The following DLGAP2 variants were observed in gnomAD, a reference collection of about 807,000 sequenced individuals.
The protein encoded by DLGAP2 is disks large-associated protein 2.
In DLGAP2, 26 loss-of-function variants were observed where a neutral mutation model predicts 100.3. The ratio of observed to expected loss-of-function variants is 0.26; its 90% CI spans 0.19 to 0.36. The LOEUF is 0.36. Ranked by LOEUF, DLGAP2 falls within the 10% of genes least tolerant of loss-of-function variation. The pLI is 1.00. For missense variants in DLGAP2, 1,858 were observed against 1,453.2 expected (o/e 1.28, Z -4.53); for synonymous variants, 886 against 630.1 (o/e 1.41, Z -6.08).
At chr8:1,663,727 CTGCAGGGAG>C (rs1378702324) in intron 8 of DLGAP2, among the ~76,000 whole-genome samples, 1 of 152,078 alleles carries the variant, frequency 6.6e-6, no homozygotes, top group Non-Finnish European at 1.5e-5. Flanking sequence ...TGAAACTCAA[CTGCAGGGAG>C]TGGTAAAAAT....
At chr8:1,669,986 G>A (rs894404360) in intron 10 of DLGAP2, among the ~76,000 whole-genome samples, 5 of 152,134 alleles carry the variant, frequency 3.3e-5, no homozygotes, top group African/African-American at 1.2e-4. Context: ...CCTGGGCCTC[G>A]CTGGGCTCCG....
intron 2 of DLGAP2, among the ~76,000 whole-genome samples, chr8:1,183,555 C>T (rs7841110): frequency 0.078 from 11,897 of 152,204 alleles, 1,372 homozygotes; most frequent in African/African-American, 0.25. Context: ...GAGGTAGCTG[C>T]TGTTAGTATC....
chr8:1,423,303 G>T (rs1021400094), intron 3 of DLGAP2, among the ~76,000 whole-genome samples: 2 of 151,960 alleles, frequency 1.3e-5, no homozygotes, highest in Admixed American at 1.3e-4. Context: ...CAGTCCATGG[G>T]ACAGACAGGT....
At chr8:1,662,540 A>C (rs1430166066) in intron 8 of DLGAP2, among the ~76,000 whole-genome samples, 2 of 152,254 alleles carry the variant, frequency 1.3e-5, no homozygotes, top group South Asian at 2.1e-4. Context: ...AAATGGTCAC[A>C]AAAAAGAAAA....
At chr8:779,073 G>A (rs112481029) in intron 1 of DLGAP2, among the ~76,000 whole-genome samples, 1,840 of 152,342 alleles carry the variant, frequency 0.012, 51 homozygotes, top group African/African-American at 0.042. Flanking sequence ...TCAGAAAAGC[G>A]CAGTATGCGG....
chr8:1,303,425 AAAGG>A (rs1800412226), intron 3 of DLGAP2, among the ~76,000 whole-genome samples: 1 of 122,376 alleles, frequency 8.2e-6, no homozygotes, highest in South Asian at 2.5e-4. Flanking sequence ...AAAAAAAAAA[AAAGG>A]AAGGAGAAGA....
At position 1,419,419 on chromosome 8, in the gene DLGAP2, G is replaced by A. The variant is rs1367569299; in HGVS notation, c.107-81947G>A. 5.6e-5 allele frequency among the ~76,000 whole-genome samples: 4 copies of A among 71,534 alleles called. 1 individual carries two copies. The highest frequency in any genetic ancestry group is 2.5e-4 in the African/African-American group (4 of 16,098). 46.9% of individuals were successfully genotyped at this position (71,534 alleles called of 152,430 possible). On this transcript the variant is annotated intron_variant, in intron 3 of 14. Transcript: ENST00000637795. ...TCACAGTAATTGTACATATTTGTGG[G>A]ATACTGTGTTACACTCTGATACGTG... is the stretch of plus-strand genomic sequence containing the variant.
intron 2 of DLGAP2, among the ~76,000 whole-genome samples, chr8:1,187,509 G>A (rs1281608336): frequency 7.1e-6 from 1 of 139,960 alleles, no homozygotes; most frequent in African/African-American, 2.9e-5. Flanking sequence ...GGACCTCCGT[G>A]ACGTTTGCTT....
Position 820,039 on chromosome 8 carries a change from AAC to A in DLGAP2, c.18+82219_18+82220del, listed in dbSNP as rs1240650535. 2.0e-5 allele frequency among the ~76,000 whole-genome samples: 3 copies of A among 152,338 alleles called. No homozygotes were observed. In the East Asian group the frequency reaches 5.8e-4, roughly 29 times the overall value. On this transcript the variant is annotated intron_variant, in intron 1 of 14. Coordinates refer to ENST00000637795, the MANE Select transcript of DLGAP2 (RefSeq NM_001346810.2). ...ATGAGAGTTCTTGTCTACTAAGAGA[AAC>A]ACACTAGTGCTGTAGGAGATAAATC...
intron 2 of DLGAP2, among the ~76,000 whole-genome samples, chr8:999,593 C>T (rs937221832): frequency 6.6e-6 from 1 of 151,996 alleles, no homozygotes; most frequent in Admixed American, 6.6e-5. Context: ...ATTCTCCTGC[C>T]TCAGCCTCCT....
Position 1,148,496 on chromosome 8 carries a change from C to T in DLGAP2, c.74-110355C>T, listed in dbSNP as rs1796644366. ...TTGTTTCTTCATTTGGATTTAATTT[C>T]CTATCCTTATTCTAATTTCTTGTGA... On this transcript the variant is annotated intron_variant, in intron 2 of 14. Coordinates refer to ENST00000637795, the MANE Select transcript of DLGAP2 (RefSeq NM_001346810.2). Among the ~76,000 whole-genome samples, 6 of 151,798 alleles carry T rather than the reference C, an allele frequency of 4.0e-5. No individual in the cohort carries two copies. The South Asian group carries it at 1.2e-3, about 32-fold the overall frequency.
intron 3 of DLGAP2, among the ~76,000 whole-genome samples, chr8:1,478,860 A>G (rs1201397245): frequency 1.3e-5 from 2 of 152,226 alleles, no homozygotes; most frequent in East Asian, 1.9e-4. Context: ...GCCAGGTACA[A>G]AGGAACAAGA....
At chr8:1,535,105 G>C (rs1276280135) in intron 4 of DLGAP2, among the ~76,000 whole-genome samples, 2 of 152,230 alleles carry the variant, frequency 1.3e-5, no homozygotes. Context: ...GCCACGGGAG[G>C]AATCGAGGGA....
chr8:1,607,458 ATTGCTATCTTTTCT>A (rs1312977873), intron 6 of DLGAP2, among the ~76,000 whole-genome samples: 10 of 152,242 alleles, frequency 6.6e-5, no homozygotes, highest in Non-Finnish European at 1.0e-4. Context: ...TTAGCACAAT[ATTGCTATCTTTTCT>A]TAGAAATACA....
At chr8:747,461 C>T (rs544129353) in intron 1 of DLGAP2, among the ~76,000 whole-genome samples, 16 of 143,984 alleles carry the variant, frequency 1.1e-4, no homozygotes, top group Middle Eastern at 4.0e-3. Flanking sequence ...AAAAGCAAGG[C>T]GGAGAGGCTG....
intron 3 of DLGAP2, among the ~76,000 whole-genome samples, chr8:1,274,334 C>T (rs919582402): frequency 2.0e-5 from 3 of 152,022 alleles, no homozygotes; most frequent in Non-Finnish European, 2.9e-5. Flanking sequence ...CTCATGTGAA[C>T]GTGAAAATAA....
At chr8:1,211,386 A>G (rs1196793395) in intron 2 of DLGAP2, among the ~76,000 whole-genome samples, 2 of 152,236 alleles carry the variant, frequency 1.3e-5, no homozygotes, top group Non-Finnish European at 2.9e-5. Flanking sequence ...AGATGCACAG[A>G]AAAACAACTT....
chr8:1,059,720 A>T (rs2129034807), intron 2 of DLGAP2, among the ~76,000 whole-genome samples: 1 of 152,184 alleles, frequency 6.6e-6, no homozygotes, highest in South Asian at 2.1e-4. Context: ...TGCTGTGGGA[A>T]GGCTGAGGGG....
chr8:1,101,522 G>A (rs957844443), intron 2 of DLGAP2, among the ~76,000 whole-genome samples: 3 of 152,156 alleles, frequency 2.0e-5, no homozygotes, highest in African/African-American at 7.2e-5. Context: ...GGGGTGCCGG[G>A]GCTGGGGGTG....
Sources: allele counts gnomAD v4.1 joint callset (sites outside exome capture counted in the v4.1 genomes callset), GRCh38; gene constraint gnomAD v4.1.1; transcripts MANE v1.5; gene names NCBI Gene and HGNC (gene_info 2026-07-23, HGNC 2026-07-21).